The following CAPZB variants were observed in gnomAD, a reference collection of about 807,000 sequenced individuals.
The protein encoded by CAPZB is capping actin protein of muscle Z-line subunit beta.
In CAPZB, 2 loss-of-function variants were observed where a neutral mutation model predicts 38.1. The ratio of observed to expected loss-of-function variants is 0.05; its 90% CI spans 0.02 to 0.17. The LOEUF is 0.17. CAPZB is among the 10% of genes least tolerant of loss of function. The pLI, the probability that CAPZB is intolerant of heterozygous loss-of-function variation, is 1.00. For missense variants in CAPZB, 161 were observed against 334.2 expected, an observed-to-expected ratio of 0.48 and a Z score of 4.04; for synonymous variants, 107 against 127.4, an observed-to-expected ratio of 0.84 and a Z score of 1.08.
chr1:19,438,268 T>C (rs1338710129), intron 1 of CAPZB, among the ~76,000 whole-genome samples: 1 of 152,138 alleles, frequency 6.6e-6, no homozygotes, highest in Admixed American at 6.5e-5. Context: ...GGGAGGCAGA[T>C]GTTGTGTGTT....
intron 2 of CAPZB, among the ~76,000 whole-genome samples, chr1:19,417,746 C>T (rs886870562): frequency 1.3e-5 from 2 of 152,196 alleles, no homozygotes; most frequent in African/African-American, 2.4e-5. Context: ...CCAGCCCACA[C>T]TGCCCGACCG....
chr1:19,471,838 C>A (rs2094589120), intron 1 of CAPZB, among the ~76,000 whole-genome samples: 1 of 112,776 alleles, frequency 8.9e-6, no homozygotes, highest in South Asian at 2.9e-4. Context: ...TGCACTCCAG[C>A]CTGGGAGACA....
chr1:19,349,991 T>C (rs2093983093), intron 6 of CAPZB, among the ~76,000 whole-genome samples: 1 of 152,358 alleles, frequency 6.6e-6, no homozygotes, highest in Non-Finnish European at 1.5e-5. Context: ...GGAAAACATT[T>C]TCATGTGTTG....
chr1:19,447,823 G>C (rs77720206), intron 1 of CAPZB, among the ~76,000 whole-genome samples: 2,043 of 152,310 alleles, frequency 0.013, 42 homozygotes, highest in African/African-American at 0.047. Flanking sequence ...AGAATGCTGG[G>C]CCTCTCTGAT....
Position 19,448,957 on chromosome 1 carries a change from G to A in CAPZB, c.4-29207C>T, listed in dbSNP as rs1434835026. The A allele has an allele frequency of 1.9e-6, 3 of 1,611,158 alleles. No homozygotes were observed. The Admixed American group carries it at 5.0e-5, about 27-fold the overall frequency. On this transcript the variant is annotated intron_variant, in intron 1 of 8. Coordinates refer to ENST00000264202, the MANE Select transcript of CAPZB (RefSeq NM_004930.5). ...TAATAACAATCGTTTTGCAGGCAGGGGAGGCGAGGGGGCAAGAGGAAGTGG... is the reference window on the plus strand; with the variant it reads ...TAATAACAATCGTTTTGCAGGCAGGAGAGGCGAGGGGGCAAGAGGAAGTGG...
intron 2 of CAPZB, among the ~76,000 whole-genome samples, chr1:19,408,903 G>C (rs1432195690): frequency 6.6e-6 from 1 of 152,188 alleles, no homozygotes; most frequent in Non-Finnish European, 1.5e-5. Flanking sequence ...GAAGTTTCCT[G>C]AAGCAGTTCT....
At chr1:19,401,384 C>T (rs2094302451) in intron 2 of CAPZB, among the ~76,000 whole-genome samples, 1 of 152,040 alleles carries the variant, frequency 6.6e-6, no homozygotes, top group Non-Finnish European at 1.5e-5. Context: ...TTTGCAAAGC[C>T]CAGGGAGCAT....
intron 2 of CAPZB, among the ~76,000 whole-genome samples, chr1:19,386,912 C>G (rs575174571): frequency 1.3e-5 from 2 of 152,314 alleles, no homozygotes; most frequent in East Asian, 3.9e-4. Flanking sequence ...CAGGTGTGAG[C>G]CCCCAGGCCT....
At chr1:19,460,248 G>A (rs1475638867) in intron 1 of CAPZB, among the ~76,000 whole-genome samples, 1 of 152,198 alleles carries the variant, frequency 6.6e-6, no homozygotes, top group Non-Finnish European at 1.5e-5. Context: ...AAATTTGTGA[G>A]TGGAAGACAT....
rs193046363 is a variant in CAPZB, at chr1:19,391,505, C to T, written c.94-5879G>A. On this transcript the variant is annotated intron_variant, in intron 2 of 8. Transcript: ENST00000264202. ...CACGCCAGAATGCTGCAGCTGCCGACGTCCAGCAGAGGGCTCTGTGACAAT... is the reference window on the plus strand; with the variant it reads ...CACGCCAGAATGCTGCAGCTGCCGATGTCCAGCAGAGGGCTCTGTGACAAT... Among the ~76,000 whole-genome samples, 242 of 152,330 alleles carry T rather than the reference C, an allele frequency of 1.6e-3. 1 individual carries two copies. The highest frequency in any genetic ancestry group is 5.7e-3 in the African/African-American group (237 of 41,560).
chr1:19,380,147 C>T (rs933668042), intron 3 of CAPZB, among the ~76,000 whole-genome samples: 2 of 152,178 alleles, frequency 1.3e-5, no homozygotes, highest in Admixed American at 6.5e-5. Flanking sequence ...ATAAGCTGGG[C>T]GGCCTCTTCC....
At chr1:19,454,476 C>A (rs2094526854) in intron 1 of CAPZB, among the ~76,000 whole-genome samples, 1 of 152,168 alleles carries the variant, frequency 6.6e-6, no homozygotes, top group Admixed American at 6.5e-5. Context: ...ATATAAGAGT[C>A]CTAAGAGTCA....
At chr1:19,468,705 A>G (rs1016335481) in intron 1 of CAPZB, among the ~76,000 whole-genome samples, 7 of 146,232 alleles carry the variant, frequency 4.8e-5, no homozygotes, top group Non-Finnish European at 7.5e-5. Flanking sequence ...AAGCTCTCCC[A>G]CCCCTCACTC....
chr1:19,361,857 G>T (rs887035106), intron 4 of CAPZB, among the ~76,000 whole-genome samples: 2 of 152,162 alleles, frequency 1.3e-5, no homozygotes, highest in Non-Finnish European at 2.9e-5. Flanking sequence ...TATATTTAAT[G>T]AGTCAAATAG....
At chr1:19,441,847 A>C (rs2094477661) in intron 1 of CAPZB, among the ~76,000 whole-genome samples, 1 of 152,036 alleles carries the variant, frequency 6.6e-6, no homozygotes, top group Non-Finnish European at 1.5e-5. Flanking sequence ...ATCTCTACCA[A>C]AAGTACAAAA....
At chr1:19,364,097 T>G (rs1225684883) in intron 4 of CAPZB, among the ~76,000 whole-genome samples, 2 of 152,198 alleles carry the variant, frequency 1.3e-5, no homozygotes, top group African/African-American at 4.8e-5. Context: ...GGGGCATTAT[T>G]AAGGTGAGCT....
At chr1:19,448,968 G>C in intron 1 of CAPZB, 1 of 1,607,884 alleles carries the variant, frequency 6.2e-7, no homozygotes, top group South Asian at 1.1e-5. Flanking sequence ...GAGGCGAGGG[G>C]GCAAGAGGAA....
At position 19,356,785 on chromosome 1, in the gene CAPZB, G is replaced by A; in HGVS notation, c.472-34C>T. 1.3e-6 allele frequency: 2 copies of A among 1,483,728 alleles called. No homozygotes were observed. The highest frequency in any genetic ancestry group is 1.9e-6 in the Non-Finnish European group (2 of 1,063,704). 91.9% of individuals were successfully genotyped at this position (1,483,728 alleles called of 1,614,324 possible). On this transcript the variant is annotated intron_variant, in intron 5 of 8. Transcript: ENST00000264202. This position sits in a 1 kb window ranked among gnomAD's most constrained non-coding sequence, Gnocchi z 4.3. ...ACAAGACAGAGATCTGTTGAGCTGA[G>A]GGAGAGCCTGAAGTGGCCCCTGGAA... is the stretch of plus-strand genomic sequence containing the variant.
intron 1 of CAPZB, among the ~76,000 whole-genome samples, chr1:19,477,331 C>T (rs2094610408): frequency 6.6e-6 from 1 of 152,208 alleles, no homozygotes; most frequent in South Asian, 2.1e-4. Flanking sequence ...CCACCCTGTG[C>T]CCAAAAGAGA....
Sources: gnomAD v4.1 joint callset for allele counts (sites outside exome capture counted in the v4.1 genomes callset) on GRCh38, gnomAD v4.1.1 for gene constraint, Gnocchi (gnomAD v3.1) non-coding constraint, MANE v1.5 for transcripts, NCBI Gene and HGNC (gene_info 2026-07-23, HGNC 2026-07-21) for gene names.